RNF216: variants seen among roughly 807,000 people sequenced by gnomAD.
RNF216 encodes the protein E3 ubiquitin-protein ligase RNF216.
RNF216 carries 72 observed loss-of-function variants against 110.8 expected under a neutral mutation model. The observed-to-expected ratio is 0.65, with a 90% CI of 0.54 to 0.79. The LOEUF (loss-of-function observed/expected upper bound fraction) is 0.79, where lower values mean the gene tolerates loss of function less well. Ranked by LOEUF, RNF216 falls within the 30% of genes least tolerant of loss-of-function variation. The pLI is 0.00. For synonymous variants in RNF216, 495 were observed against 407.5 expected (o/e 1.21, Z -2.59); for missense variants, 1,342 against 1,141.2 (o/e 1.18, Z -2.54).
At chr7:5,672,179 G>T (rs2128596467) in intron 13 of RNF216, among the ~76,000 whole-genome samples, 1 of 152,330 alleles carries the variant, frequency 6.6e-6, no homozygotes, top group Non-Finnish European at 1.5e-5. Context: ...GGAGACAGAT[G>T]GAAAGCAGGC....
chr7:5,699,355 G>C (rs902515671), intron 13 of RNF216, among the ~76,000 whole-genome samples: 2 of 152,212 alleles, frequency 1.3e-5, no homozygotes, highest in African/African-American at 4.8e-5. Context: ...TTTGACTCCT[G>C]ATGCTGTCAC....
intron 13 of RNF216, among the ~76,000 whole-genome samples, chr7:5,663,059 A>G (rs1331190252): frequency 6.6e-6 from 1 of 152,108 alleles, no homozygotes; most frequent in African/African-American, 2.4e-5. Context: ...CTCCTTTCAA[A>G]TACCAGTGGC....
intron 13 of RNF216, among the ~76,000 whole-genome samples, chr7:5,708,717 C>A (rs535615347): frequency 4.6e-5 from 7 of 152,156 alleles, no homozygotes; most frequent in Non-Finnish European, 5.9e-5. Flanking sequence ...ATCACAGGCC[C>A]TCTGGAGCTG....
intron 13 of RNF216, among the ~76,000 whole-genome samples, chr7:5,704,122 C>CT (rs1198556489): frequency 6.6e-6 from 1 of 152,206 alleles, no homozygotes; most frequent in Non-Finnish European, 1.5e-5. Context: ...AACAAAGACT[C>CT]TCTCCATTTC....
In RNF216 at chr7:5,623,158, C is replaced by T; in HGVS notation, c.2474G>A (p.Gly825Glu). 1.3e-6 allele frequency: 2 copies of T among 1,571,782 alleles called. No individual in the cohort carries two copies. The highest frequency in any genetic ancestry group is 1.7e-6 in the Non-Finnish European group (2 of 1,153,174). The change falls in exon 17 of 17, where the codon GGA (glycine) becomes GAA (glutamate). Residue 825 changes from glycine (G) to glutamate (E), a missense_variant. Physicochemically the swap from Gly to Glu is moderately conservative, Grantham distance 98. Transcript: ENST00000389902. Reference sequence around the variant, plus strand: ...CTCCACAGGCTTCTCCAGCGGGGGTCCAATGCGTTTGAAGGTGTTCTCTGA... The same window carrying T: ...CTCCACAGGCTTCTCCAGCGGGGGTTCAATGCGTTTGAAGGTGTTCTCTGA... ...KNGENTFKRI[G>E]PPLEKPVEKV...
chr7:5,719,590 T>C (rs1793285912), intron 9 of RNF216, among the ~76,000 whole-genome samples: 1 of 152,166 alleles, frequency 6.6e-6, no homozygotes, highest in Admixed American at 6.5e-5. Context: ...AAGACTACAA[T>C]GAACTACATT....
intron 15 of RNF216, among the ~76,000 whole-genome samples, chr7:5,639,759 C>T (rs930955807): frequency 1.3e-5 from 2 of 150,808 alleles, no homozygotes; most frequent in Admixed American, 6.6e-5. Context: ...CGTGCCTAGC[C>T]TTAATTTTTT....
chr7:5,641,146 C>G lies in RNF216; in HGVS notation c.2382+8G>C. The G allele has an allele frequency of 6.3e-7, 1 of 1,597,886 alleles. No individual in the cohort carries two copies. Among genetic ancestry groups the G allele is most frequent in the East Asian group, 2.2e-5 (1 of 44,778 alleles). On this transcript the variant is annotated splice_region_variant and intron_variant, in intron 15 of 16. Transcript: ENST00000389902. ...TATAAAGCAATAGGCAGCCATGTGT[C>G]TACTTACAGTGGGATCGGTCCAGAG...
intron 3 of RNF216, among the ~76,000 whole-genome samples, chr7:5,742,781 A>C (rs1175755775): frequency 6.6e-6 from 1 of 151,686 alleles, no homozygotes; most frequent in Non-Finnish European, 1.5e-5. Context: ...TTTTTGTTAG[A>C]GACAGGGTTT....
intron 13 of RNF216, among the ~76,000 whole-genome samples, chr7:5,653,804 G>A (rs1381560504): frequency 2.0e-5 from 3 of 151,930 alleles, no homozygotes; most frequent in African/African-American, 7.3e-5. Context: ...AGTCAACGAT[G>A]AATAGGGCGG....
At chr7:5,694,230 G>A (rs1287964462) in intron 13 of RNF216, among the ~76,000 whole-genome samples, 1 of 152,138 alleles carries the variant, frequency 6.6e-6, no homozygotes, top group Non-Finnish European at 1.5e-5. Context: ...TTATTTGCTG[G>A]AACAGTTTTC....
rs180746712 is a variant in RNF216, at chr7:5,668,781, C to A, written c.2062-16271G>T. On this transcript the variant is annotated intron_variant, in intron 13 of 16. Transcript: ENST00000389902. ...CGGGGTCTGCTGTTGCCTGCCCTTCCAGGGCTTCATGCCCTTCATTCTCCT... is the reference window on the plus strand; with the variant it reads ...CGGGGTCTGCTGTTGCCTGCCCTTCAAGGGCTTCATGCCCTTCATTCTCCT... Among the ~76,000 whole-genome samples the A allele has an allele frequency of 6.0e-4, 91 of 152,318 alleles. 2 individuals carry two copies. In the East Asian group the frequency reaches 0.01, roughly 17 times the overall value.
In RNF216 at chr7:5,622,968, C is replaced by A. The variant is rs754236064; in HGVS notation, c.2664G>T (p.Val888=). ...LNMGPIPAPY[V]PPLPNVRVNY... Reference sequence around the variant, plus strand: ...TGACCCGCACGTTGGGCAGAGGGGGCACGTACGGGGCTGGGATAGGCCCCA... The same window carrying A: ...TGACCCGCACGTTGGGCAGAGGGGGAACGTACGGGGCTGGGATAGGCCCCA... The change falls in exon 17 of 17, where the codon GTG becomes GTT. Residue 888 remains valine, a synonymous_variant. Transcript: ENST00000389902. The A allele has an allele frequency of 6.2e-7, 1 of 1,614,004 alleles. No individual in the cohort carries two copies.
chr7:5,678,757 C>G (rs1790465760), intron 13 of RNF216, among the ~76,000 whole-genome samples: 1 of 152,258 alleles, frequency 6.6e-6, no homozygotes, highest in African/African-American at 2.4e-5. Flanking sequence ...GTGGGACAAG[C>G]TGCAGAGGCT....
At chr7:5,774,252 T>G (rs1796655862) in intron 1 of RNF216, among the ~76,000 whole-genome samples, 1 of 152,208 alleles carries the variant, frequency 6.6e-6, no homozygotes, top group Non-Finnish European at 1.5e-5. Flanking sequence ...ATTTCCTCAT[T>G]TGTAAAATGA....
chr7:5,644,823 TTTTC>T (rs1275035168), intron 14 of RNF216, among the ~76,000 whole-genome samples: 1 of 147,502 alleles, frequency 6.8e-6, no homozygotes, highest in African/African-American at 2.7e-5. Context: ...TATTTTCTTT[TTTTC>T]TTTTTTTTTT....
At chr7:5,653,203 C>G (rs1329108243) in intron 13 of RNF216, among the ~76,000 whole-genome samples, 1 of 152,148 alleles carries the variant, frequency 6.6e-6, no homozygotes, top group Non-Finnish European at 1.5e-5. Flanking sequence ...CATATATAAA[C>G]ATGCATCTTA....
intron 13 of RNF216, among the ~76,000 whole-genome samples, chr7:5,679,844 C>T (rs924938512): frequency 6.6e-6 from 1 of 152,156 alleles, no homozygotes; most frequent in Non-Finnish European, 1.5e-5. Flanking sequence ...CATGCTCCTC[C>T]AGGTCCCTCA....
In RNF216 at chr7:5,666,149, G is replaced by C. The variant is rs1352508673; in HGVS notation, c.2062-13639C>G. Among the ~76,000 whole-genome samples, 44 of 144,878 alleles carry C rather than the reference G, an allele frequency of 3.0e-4. 1 individual carries two copies. The highest frequency in any genetic ancestry group is 7.7e-4 in the Admixed American group (11 of 14,218). On this transcript the variant is annotated intron_variant, in intron 13 of 16. Coordinates refer to ENST00000389902, the MANE Select transcript of RNF216 (RefSeq NM_207111.4). ...CCACTGCACTCCAGCCTGGGCGACA[G>C]AGTGAGACTCCGTCTCAAAAAAAAA...
Sources: gnomAD v4.1 joint callset for allele counts (sites outside exome capture counted in the v4.1 genomes callset) on GRCh38, gnomAD v4.1.1 for gene constraint, MANE v1.5 for transcripts, NCBI Gene and HGNC (gene_info 2026-07-23, HGNC 2026-07-21) for gene names.